Variants in CBLC observed in about 807,000 individuals in gnomAD.
The protein encoded by CBLC is Cbl proto-oncogene C.
In CBLC, 46 loss-of-function variants were observed where a neutral mutation model predicts 58.6. The observed-to-expected ratio is 0.79, with a 90% CI of 0.62 to 1.00. CBLC has a LOEUF of 1.00. CBLC is among the 50% of genes least tolerant of loss of function. The probability of loss-of-function intolerance (pLI) is 0.00; values close to 1 mark genes in which losing one functional copy is unlikely to be tolerated. For synonymous variants in CBLC, 271 were observed against 264.2 expected, an observed-to-expected ratio of 1.03 and a Z score of -0.25; for missense variants, 655 against 625.8, an observed-to-expected ratio of 1.05 and a Z score of -0.50.
chr19:44,798,469 G>A (rs1447118347), intron 9 of CBLC, among the ~76,000 whole-genome samples: 2 of 152,110 alleles, frequency 1.3e-5, no homozygotes, highest in Non-Finnish European at 2.9e-5. Flanking sequence ...CAGCACTTTG[G>A]GAGGCCGAGG....
chr19:44,798,486 A>G (rs1387540342), intron 9 of CBLC, among the ~76,000 whole-genome samples: 3 of 151,908 alleles, frequency 2.0e-5, no homozygotes, highest in South Asian at 2.1e-4. Context: ...GAGGTGGGCA[A>G]ATCCTTTGCT....
Position 44,778,054 on chromosome 19 carries a change from C to G in CBLC, c.123C>G (p.Pro41=), listed in dbSNP as rs773799426. 4 of 1,609,032 alleles carry G rather than the reference C, an allele frequency of 2.5e-6. No individual in the cohort carries two copies. The highest frequency in any genetic ancestry group is 1.7e-4 in the Middle Eastern group (1 of 6,056). The change falls in exon 1 of 11, where the codon CCC becomes CCG. Residue 41 remains proline (P), a synonymous_variant. Transcript: ENST00000647358. ...TCGACCCCCGGCTGTCCGTGAGTCC[C>G]CCTTCGCTGCGGGACCTGCTGCCCC... ...QCVDPRLSVS[P]PSLRDLLPRT... is the part of the protein sequence containing the mutation.
At chr19:44,786,098 C>A (rs62117212) in intron 5 of CBLC, among the ~76,000 whole-genome samples, 1,744 of 151,966 alleles carry the variant, frequency 0.011, 22 homozygotes, top group Non-Finnish European at 0.017. Flanking sequence ...CACGCCTGGC[C>A]AATTTATAGT....
rs1369996784 is a variant in CBLC at position 44,782,427 on chromosome 19, A to G, written c.715A>G (p.Met239Val). The G allele has an allele frequency of 2.5e-6, 4 of 1,613,702 alleles. No homozygotes were observed. Among genetic ancestry groups the G allele is most frequent in the African/African-American group, 1.3e-5 (1 of 74,902 alleles). ...QLLAVNHPGY[M>V]AFLTYDEVQE... is the part of the protein sequence containing the mutation. ...CCTGGCAGTCAACCACCCAGGCTAC[A>G]TGGCCTTCCTCACCTATGATGAGGT... Residue 239 changes from methionine (M) to valine (V), a missense_variant, in exon 4 of 11, where the codon ATG (methionine) becomes GTG (valine). Coordinates refer to ENST00000647358, the MANE Select transcript of CBLC (RefSeq NM_012116.4).
intron 5 of CBLC, 79 bp from the exon 6 acceptor site, chr19:44,789,925 A>AG: frequency 1.1e-6 from 1 of 922,148 alleles, no homozygotes; most frequent in Non-Finnish European, 1.8e-6. Context: ...GGGGCCCTGT[A>AG]GGGGGTAAAG....
intron 3 of CBLC, among the ~76,000 whole-genome samples, chr19:44,781,746 C>G (rs1973164): frequency 3.2e-4 from 12 of 37,814 alleles, no homozygotes; most frequent in Admixed American, 9.5e-4. Context: ...GGGAGGAGGG[C>G]CTGGGGCCTG....
intron 1 of CBLC, 34 bp downstream of exon 1, chr19:44,778,318 G>C (rs1305384520): frequency 7.1e-7 from 1 of 1,398,972 alleles, no homozygotes; most frequent in Non-Finnish European, 9.2e-7. Context: ...GTCCTCTGGG[G>C]TGAGGCCCAG....
intron 5 of CBLC, among the ~76,000 whole-genome samples, chr19:44,789,734 T>C (rs1238476271): frequency 6.6e-6 from 1 of 152,114 alleles, no homozygotes; most frequent in African/African-American, 2.4e-5. Flanking sequence ...TTAGTCTATC[T>C]CATCCTTGTT....
rs1463540514 is a variant in CBLC, at chr19:44,782,488, G to A, written c.776G>A (p.Gly259Asp). The A allele has an allele frequency of 1.9e-6, 3 of 1,613,260 alleles. No homozygotes were observed. The Admixed American group carries it at 5.0e-5, about 27-fold the overall frequency. ...ERLQACRDKP[G>D]SYIFRPSCTR... The stretch of plus-strand genomic sequence containing the variant: ...CTGCAGGCCTGCAGGGACAAGCCAG[G>A]CAGGTAAAGGGTCCAGGGCTCAGCA... The change falls in exon 4 of 11, where the codon GGC (glycine) becomes GAC (aspartate). Residue 259 changes from glycine to aspartate, a missense_variant. Around this residue, in one of 3 missense-constraint regions of CBLC, gnomAD observed 371 missense variants for 370.8 expected, o/e 1.00. Coordinates refer to ENST00000647358, the MANE Select transcript of CBLC (RefSeq NM_012116.4).
intron 9 of CBLC, among the ~76,000 whole-genome samples, chr19:44,797,901 C>T (rs1052701446): frequency 1.4e-5 from 2 of 144,992 alleles, no homozygotes; most frequent in East Asian, 2.0e-4. Context: ...TCTCCACACC[C>T]GAATCATTTT....
At chr19:44,789,263 G>T (rs553626238) in intron 5 of CBLC, among the ~76,000 whole-genome samples, 1 of 152,232 alleles carries the variant, frequency 6.6e-6, no homozygotes, top group Admixed American at 6.5e-5. Context: ...GGGAAGAAGT[G>T]GTACAGGTGC....
Position 44,792,443 on chromosome 19 carries a change from G to A in CBLC, c.1066G>A (p.Glu356Lys), listed in dbSNP as rs763654909. The A allele has an allele frequency of 3.1e-6, 5 of 1,613,444 alleles. No individual in the cohort carries two copies. The Admixed American group carries it at 6.7e-5, about 22-fold the overall frequency. Residue 356 changes from glutamate (E) to lysine (K), a missense_variant, in exon 7 of 11, where the codon GAG becomes AAG. Glu to Lys is a moderately conservative substitution (Grantham distance 56, BLOSUM62 1). Transcript: ENST00000647358. ...STFELCKICA[E>K]SNKDVKIEPC... ...ATTTGAGCTCTGCAAGATCTGTGCT[G>A]AGAGCAACAAGGATGTGAAGATTGA... is the stretch of plus-strand genomic sequence containing the variant.
At chr19:44,788,950 T>C (rs959778111) in intron 5 of CBLC, among the ~76,000 whole-genome samples, 2 of 152,168 alleles carry the variant, frequency 1.3e-5, no homozygotes, top group African/African-American at 4.8e-5. Context: ...GGGGCCCAGG[T>C]CAGGGATCCT....
At chr19:44,796,636 CG>C (rs1350832412) in intron 9 of CBLC, among the ~76,000 whole-genome samples, 2 of 152,048 alleles carry the variant, frequency 1.3e-5, no homozygotes, top group African/African-American at 2.4e-5. Context: ...CCGCCTGCCT[CG>C]GCCTCCCAAA....
chr19:44,796,424 C>T (rs961395950), intron 9 of CBLC, among the ~76,000 whole-genome samples: 4 of 152,040 alleles, frequency 2.6e-5, no homozygotes, highest in Non-Finnish European at 5.9e-5. Flanking sequence ...ACTCTTGTTG[C>T]CCAGGCTGGA....
chr19:44,796,130 G>A (rs1196556344), intron 9 of CBLC, among the ~76,000 whole-genome samples: 3 of 151,938 alleles, frequency 2.0e-5, no homozygotes, highest in South Asian at 2.1e-4. Flanking sequence ...CAGGAGAATC[G>A]CTTGAACCCG....
In CBLC at chr19:44,790,088, A is replaced by G. The variant is rs754479268; in HGVS notation, c.1002A>G (p.Ser334=). ...QAEPQQRIHV[S]EEQLQLYWAM... ...AACCCCAGCAGCGCATCCACGTGTC[A>G]GAGGTGAGACCCGCACCTGCACCCG... Residue 334 remains serine (S), a synonymous_variant, in exon 6 of 11, where the codon TCA becomes TCG. Coordinates refer to ENST00000647358, the MANE Select transcript of CBLC (RefSeq NM_012116.4). 49 of 1,613,358 alleles carry G rather than the reference A, an allele frequency of 3.0e-5. No homozygotes were observed. Among genetic ancestry groups the G allele is most frequent in the Non-Finnish European group, 3.6e-5 (43 of 1,179,472 alleles).
chr19:44,793,380 A>C, intron 7 of CBLC, 94 bp from the exon 8 acceptor site: 1 of 1,333,080 alleles, frequency 7.5e-7, no homozygotes, highest in Non-Finnish European at 1.0e-6. Flanking sequence ...TGTCTTCCCC[A>C]CATCAATCTT....
intron 4 of CBLC, among the ~76,000 whole-genome samples, chr19:44,783,122 G>A (rs2122415488): frequency 6.6e-6 from 1 of 152,312 alleles, no homozygotes; most frequent in South Asian, 2.1e-4. Context: ...TGTAATCCCA[G>A]TACTTTGGGA....
Sources: gnomAD v4.1 joint callset for allele counts (sites outside exome capture counted in the v4.1 genomes callset) on GRCh38, gnomAD v4.1.1 for gene constraint, gnomAD v4.1.1 regional missense constraint, MANE v1.5 for transcripts, NCBI Gene and HGNC (gene_info 2026-07-23, HGNC 2026-07-21) for gene names.